Variants in NCKAP1L observed in about 807,000 individuals in gnomAD.
The protein encoded by NCKAP1L is NCK associated protein 1 like.
NCKAP1L carries 53 observed loss-of-function variants against 139.2 expected under a neutral mutation model. That is an observed-to-expected ratio of 0.38 (90% CI 0.31 to 0.48). The LOEUF is 0.48. Ranked by LOEUF, NCKAP1L falls within the 20% of genes least tolerant of loss-of-function variation. The pLI, the probability that NCKAP1L is intolerant of heterozygous loss-of-function variation, is 0.98. For missense variants in NCKAP1L, 1,151 were observed against 1,381.9 expected (o/e 0.83, Z 2.65); for synonymous variants, 468 against 499.7 (o/e 0.94, Z 0.85).
At chr12:54,501,137 G>T (rs73310340) in intron 3 of NCKAP1L, among the ~76,000 whole-genome samples, 1 of 151,972 alleles carries the variant, frequency 6.6e-6, no homozygotes, top group Non-Finnish European at 1.5e-5. Context: ...CCAGCCCCTT[G>T]CCATCACAAT....
chr12:54,517,678 G>T (rs1956944863), intron 12 of NCKAP1L, 36 bp downstream of exon 12: 18 of 1,586,432 alleles, frequency 1.1e-5, no homozygotes, highest in Non-Finnish European at 1.6e-5. Context: ...CTTGTCCTTA[G>T]ATGGACTGGG....
chr12:54,519,001 C>T (rs1956957549), intron 15 of NCKAP1L, 29 bp downstream of exon 15: 2 of 1,597,322 alleles, frequency 1.3e-6, no homozygotes, highest in Non-Finnish European at 1.7e-6. Flanking sequence ...TAAAGATTCT[C>T]ATCCTCAGAT....
At chr12:54,508,953 G>A (rs930019560) in intron 5 of NCKAP1L, among the ~76,000 whole-genome samples, 1 of 152,160 alleles carries the variant, frequency 6.6e-6, no homozygotes, top group African/African-American at 2.4e-5. Flanking sequence ...ATATCTGCTA[G>A]TGGATTATTC....
At chr12:54,500,415 C>A in intron 2 of NCKAP1L, 118 bp from the exon 3 acceptor site, 3 of 691,340 alleles carry the variant, frequency 4.3e-6, no homozygotes, top group Non-Finnish European at 7.7e-6. Flanking sequence ...TGAGCCACTG[C>A]GCCCGGCCTC....
chr12:54,511,729 ATCC>A (rs1200032733), intron 7 of NCKAP1L, 71 bp from the exon 8 acceptor site: 13 of 1,532,658 alleles, frequency 8.5e-6, no homozygotes, highest in Admixed American at 1.9e-5. Context: ...TGATACTCAG[ATCC>A]TAGTTTGTCC....
Position 54,511,999 on chromosome 12 carries a change from A to C in NCKAP1L, c.835A>C (p.Lys279Gln). The C allele has an allele frequency of 6.2e-7, 1 of 1,614,224 alleles. No homozygotes were observed. Among genetic ancestry groups the C allele is most frequent in the Non-Finnish European group, 8.5e-7 (1 of 1,180,040 alleles). The change falls in exon 9 of 31, where the codon AAG (lysine) becomes CAG (glutamine). Residue 279 changes from lysine to glutamine, a missense_variant. Coordinates refer to ENST00000293373, the MANE Select transcript of NCKAP1L (RefSeq NM_005337.5). ...GCLNSNSQCQ[K>Q]LWKLCLQGSL... ...CCTCAACTCCAATAGCCAGTGCCAG[A>C]AGCTGTGGAAGCTGTGTCTGCAGGG...
At position 54,535,100 on chromosome 12, in the gene NCKAP1L, C is replaced by T. The variant is rs376340464; in HGVS notation, c.2863-4C>T. On this transcript the variant is annotated splice_polypyrimidine_tract_variant and splice_region_variant and intron_variant, in intron 26 of 30. Coordinates refer to ENST00000293373, the MANE Select transcript of NCKAP1L (RefSeq NM_005337.5). ...TCTCTAGAATGTTATTTTCTTCTCT[C>T]CAGGTGACCTTGAGTATCTTTGAGC... is the stretch of plus-strand genomic sequence containing the variant. The T allele has an allele frequency of 1.2e-6, 2 of 1,612,576 alleles. No individual in the cohort carries two copies. Among genetic ancestry groups the T allele is most frequent in the Non-Finnish European group, 1.7e-6 (2 of 1,179,094 alleles).
At chr12:54,521,648 A>T (rs1311649017) in intron 18 of NCKAP1L, among the ~76,000 whole-genome samples, 1 of 152,110 alleles carries the variant, frequency 6.6e-6, no homozygotes, top group Non-Finnish European at 1.5e-5. Context: ...CTCTCTGGAC[A>T]TTTTGAAGCA....
intron 25 of NCKAP1L, 130 bp from the exon 26 acceptor site, chr12:54,532,040 A>G (rs1436448284): frequency 5.1e-6 from 4 of 791,778 alleles, no homozygotes; most frequent in Non-Finnish European, 7.9e-6. Flanking sequence ...AAGGAGAGGG[A>G]TGGCTTGGAA....
intron 30 of NCKAP1L, among the ~76,000 whole-genome samples, chr12:54,541,542 G>T (rs1032491632): frequency 1.3e-5 from 2 of 152,206 alleles, no homozygotes; most frequent in Non-Finnish European, 2.9e-5. Context: ...CATCAGGGCT[G>T]CAGTTTTACC....
chr12:54,509,974 A>G lies in NCKAP1L; in HGVS notation c.724A>G (p.Asn242Asp). 6.2e-7 allele frequency: 1 copy of G among 1,614,188 alleles called. No individual in the cohort carries two copies. Among genetic ancestry groups the G allele is most frequent in the Non-Finnish European group, 8.5e-7 (1 of 1,180,018 alleles). ...SNPPAMINPANSDTMACEYLS... is the reference protein window; with the variant it reads ...SNPPAMINPADSDTMACEYLS... ...CCCCCCAGCCATGATTAACCCTGCT[A>G]ATTCAGATACAGTGAGTGCCCTTTT... The change falls in exon 7 of 31, where the codon AAT (asparagine) becomes GAT (aspartate). Residue 242 changes from asparagine to aspartate, a missense_variant. Coordinates refer to ENST00000293373, the MANE Select transcript of NCKAP1L (RefSeq NM_005337.5).
At chr12:54,506,772 T>G (rs1222688896) in intron 3 of NCKAP1L, among the ~76,000 whole-genome samples, 1 of 76,522 alleles carries the variant, frequency 1.3e-5, no homozygotes, top group East Asian at 5.1e-4. Flanking sequence ...GTTCAAATCT[T>G]TTGGCAACAT....
At chr12:54,533,929 T>C (rs1957094220) in intron 26 of NCKAP1L, among the ~76,000 whole-genome samples, 1 of 152,224 alleles carries the variant, frequency 6.6e-6, no homozygotes, top group South Asian at 2.1e-4. Flanking sequence ...ATTATCCTTG[T>C]TCTTTCAAAA....
chr12:54,506,726 C>T (rs553139774), intron 3 of NCKAP1L, among the ~76,000 whole-genome samples: 8 of 139,178 alleles, frequency 5.7e-5, no homozygotes, highest in Non-Finnish European at 1.2e-4. Context: ...AACCGCCATG[C>T]TTGGCATCAT....
intron 1 of NCKAP1L, 42 bp downstream of exon 1, chr12:54,497,933 T>C (rs1458164702): frequency 2.3e-6 from 3 of 1,310,152 alleles, no homozygotes; most frequent in Non-Finnish European, 3.3e-6. Context: ...ATTCCAACAA[T>C]AATAGGGCAG....
intron 3 of NCKAP1L, among the ~76,000 whole-genome samples, chr12:54,505,273 G>A (rs1956831000): frequency 6.6e-6 from 1 of 152,224 alleles, no homozygotes; most frequent in Non-Finnish European, 1.5e-5. Context: ...GTTTCTTAAT[G>A]GCTCTTGGCC....
At position 54,512,115 on chromosome 12, in the gene NCKAP1L, A is replaced by G; in HGVS notation, c.941+10A>G. ...TTAGCAGTTTGAAAGGGTGAGAGAC[A>G]CGAGAGCCAAACTGATCTTCCTTGA... On this transcript the variant is annotated intron_variant, in intron 9 of 30. Coordinates refer to ENST00000293373, the MANE Select transcript of NCKAP1L (RefSeq NM_005337.5). The G allele has an allele frequency of 6.2e-7, 1 of 1,613,360 alleles. No individual in the cohort carries two copies. Among genetic ancestry groups the G allele is most frequent in the Non-Finnish European group, 8.5e-7 (1 of 1,179,680 alleles).
chr12:54,531,731 C>G lies in NCKAP1L; in HGVS notation c.2699-12C>G. The G allele has an allele frequency of 6.2e-7, 1 of 1,610,406 alleles. No homozygotes were observed. Among genetic ancestry groups the G allele is most frequent in the Non-Finnish European group, 8.5e-7 (1 of 1,176,874 alleles). ...CTAAATTATCTTTTCTAACACGCTT[C>G]TTTCTCCTCAGGGGCTGAAAATGTG... On this transcript the variant is annotated splice_polypyrimidine_tract_variant and intron_variant, in intron 24 of 30. Coordinates refer to ENST00000293373, the MANE Select transcript of NCKAP1L (RefSeq NM_005337.5).
chr12:54,527,641 A>G (rs995190156), intron 21 of NCKAP1L, among the ~76,000 whole-genome samples: 2 of 151,774 alleles, frequency 1.3e-5, no homozygotes, highest in Non-Finnish European at 2.9e-5. Context: ...AATTCAAAGG[A>G]AAAAAAAAGT....
Sources: gnomAD v4.1 joint callset for allele counts (sites outside exome capture counted in the v4.1 genomes callset) on GRCh38, gnomAD v4.1.1 for gene constraint, MANE v1.5 for transcripts, NCBI Gene and HGNC (gene_info 2026-07-23, HGNC 2026-07-21) for gene names.